Variants in KAZN observed in about 807,000 individuals in gnomAD.
The protein encoded by KAZN is kazrin, periplakin interacting protein.
Under a neutral mutation model 87.4 loss-of-function variants are expected in KAZN, and 40 were observed. The ratio of observed to expected loss-of-function variants is 0.46; its 90% CI spans 0.36 to 0.60. The LOEUF (loss-of-function observed/expected upper bound fraction) is 0.60, where lower values mean the gene tolerates loss of function less well. Ranked by LOEUF, KAZN falls within the 20% of genes least tolerant of loss-of-function variation. The pLI, the probability that KAZN is intolerant of heterozygous loss-of-function variation, is 0.00. For missense variants in KAZN, 898 were observed against 1,073.9 expected, an observed-to-expected ratio of 0.84 and a Z score of 2.29; for synonymous variants, 466 against 458.3, an observed-to-expected ratio of 1.02 and a Z score of -0.22.
At chr1:14,705,530 A>G (rs1642163381) in intron 1 of KAZN, among the ~76,000 whole-genome samples, 1 of 152,210 alleles carries the variant, frequency 6.6e-6, no homozygotes, top group South Asian at 2.1e-4. Context: ...GAATCAACCT[A>G]GGTGTTCAAC....
intron 2 of KAZN, among the ~76,000 whole-genome samples, chr1:14,974,742 G>T (rs147135927): frequency 1.3e-5 from 2 of 152,286 alleles, no homozygotes; most frequent in East Asian, 3.9e-4. Context: ...CATTTAAGGA[G>T]ACTAGAAAAT....
intron 1 of KAZN, among the ~76,000 whole-genome samples, chr1:14,702,903 AT>A (rs1642012208): frequency 6.6e-6 from 1 of 152,180 alleles, no homozygotes; most frequent in African/African-American, 2.4e-5. Flanking sequence ...CTAACCCACT[AT>A]CCCCCTCCAT....
intron 1 of KAZN, among the ~76,000 whole-genome samples, chr1:14,680,090 G>A (rs1425393151): frequency 6.6e-6 from 1 of 152,150 alleles, no homozygotes; most frequent in Non-Finnish European, 1.5e-5. Flanking sequence ...ATCTCTCTGG[G>A]AGGTGATATT....
At chr1:14,563,782 CT>C (rs1674385476) in intron 2 of KAZN, among the ~76,000 whole-genome samples, 1 of 151,514 alleles carries the variant, frequency 6.6e-6, no homozygotes, top group South Asian at 2.1e-4. Flanking sequence ...CCCAAATGGT[CT>C]CCTTGTCTTT....
intron 1 of KAZN, among the ~76,000 whole-genome samples, chr1:14,089,098 G>T (rs1237311242): frequency 6.6e-6 from 1 of 151,594 alleles, no homozygotes; most frequent in Non-Finnish European, 1.5e-5. Context: ...ACCCACACAT[G>T]CATAACCTCC....
intron 1 of KAZN, among the ~76,000 whole-genome samples, chr1:14,841,384 C>T (rs528670369): frequency 5.8e-5 from 7 of 119,804 alleles, no homozygotes; most frequent in Admixed American, 2.3e-4. Flanking sequence ...CCAGCCTGGG[C>T]GACAGAGCAA....
intron 1 of KAZN, among the ~76,000 whole-genome samples, chr1:14,841,640 C>T (rs970587566): frequency 4.6e-5 from 7 of 152,150 alleles, no homozygotes; most frequent in South Asian, 2.1e-4. Context: ...CACCCAGTGA[C>T]GTCACATTGG....
intron 2 of KAZN, among the ~76,000 whole-genome samples, chr1:14,278,439 G>A (rs905896136): frequency 5.9e-5 from 9 of 151,422 alleles, no homozygotes; most frequent in Non-Finnish European, 1.0e-4. Context: ...ACAGGTACCC[G>A]CCACCATGCC....
intron 1 of KAZN, among the ~76,000 whole-genome samples, chr1:13,931,862 G>C (rs1171433883): frequency 6.6e-6 from 1 of 152,128 alleles, no homozygotes; most frequent in East Asian, 1.9e-4. Context: ...CTTTGAAACG[G>C]AGTCTCGCTC....
intron 2 of KAZN, among the ~76,000 whole-genome samples, chr1:14,557,053 A>G (rs1421975656): frequency 6.6e-6 from 1 of 152,230 alleles, no homozygotes; most frequent in Non-Finnish European, 1.5e-5. Flanking sequence ...ACAGCAAAAT[A>G]AAGCTACACA....
intron 2 of KAZN, among the ~76,000 whole-genome samples, chr1:14,370,337 CT>C (rs1442301262): frequency 6.6e-6 from 1 of 152,192 alleles, no homozygotes; most frequent in East Asian, 1.9e-4. Context: ...CACATGAAGG[CT>C]GCCAAGCTGT....
intron 2 of KAZN, among the ~76,000 whole-genome samples, chr1:14,293,862 G>A (rs991302273): frequency 8.5e-5 from 13 of 152,100 alleles, no homozygotes; most frequent in South Asian, 2.1e-4. Flanking sequence ...CCTTTGGGAA[G>A]GCTCTGAGGG....
intron 1 of KAZN, among the ~76,000 whole-genome samples, chr1:14,065,011 A>G (rs951040103): frequency 6.6e-6 from 1 of 152,180 alleles, no homozygotes; most frequent in African/African-American, 2.4e-5. Context: ...GTTTTGGGGA[A>G]CAGGCTTTGG....
chr1:14,255,301 A>G (rs1650420497), intron 2 of KAZN, among the ~76,000 whole-genome samples: 1 of 152,126 alleles, frequency 6.6e-6, no homozygotes, highest in African/African-American at 2.4e-5. Context: ...ATCCATCCCT[A>G]TCACCCAAAC....
chr1:14,786,568 C>T (rs761667605), intron 1 of KAZN, among the ~76,000 whole-genome samples: 18 of 152,162 alleles, frequency 1.2e-4, no homozygotes, highest in Non-Finnish European at 2.2e-4. Context: ...CCACTATAAG[C>T]GCATTTCATT....
intron 2 of KAZN, among the ~76,000 whole-genome samples, chr1:14,451,070 A>T (rs1279270508): frequency 1.3e-5 from 2 of 151,074 alleles, no homozygotes; most frequent in East Asian, 3.9e-4. Flanking sequence ...ATGAATAAAA[A>T]CTCCCTGAAG....
intron 2 of KAZN, among the ~76,000 whole-genome samples, chr1:14,384,450 G>A (rs2101061249): frequency 6.6e-6 from 1 of 152,194 alleles, no homozygotes; most frequent in African/African-American, 2.4e-5. Context: ...TTGGCTGTGG[G>A]TTTGTCATAG....
intron 2 of KAZN, among the ~76,000 whole-genome samples, chr1:14,194,068 C>G (rs981601589): frequency 6.6e-6 from 1 of 152,144 alleles, no homozygotes. Flanking sequence ...AACTCTAAAT[C>G]AAAGGGAAAC....
At chr1:14,882,038 T>C (rs1319385375) in intron 1 of KAZN, among the ~76,000 whole-genome samples, 4 of 152,164 alleles carry the variant, frequency 2.6e-5, no homozygotes, top group Non-Finnish European at 5.9e-5. Context: ...TGAATTCTGA[T>C]TCAGTAGCTC....
Sources: allele counts gnomAD v4.1 joint callset (sites outside exome capture counted in the v4.1 genomes callset), GRCh38; gene constraint gnomAD v4.1.1; transcripts MANE v1.5; gene names NCBI Gene and HGNC (gene_info 2026-07-23, HGNC 2026-07-21).